Variants in TM2D2 observed in about 807,000 individuals in gnomAD.
TM2D2 encodes the protein TM2 domain-containing protein 2.
In TM2D2, 19 loss-of-function variants were observed where a neutral mutation model predicts 23.0. That is an observed-to-expected ratio of 0.82 (90% CI 0.58 to 1.21). The LOEUF (loss-of-function observed/expected upper bound fraction) is 1.21. Among genes scored for constraint, TM2D2 ranks in the 50% most tolerant of loss-of-function variants. The pLI is 0.00. For synonymous variants in TM2D2, 120 were observed against 108.8 expected, an observed-to-expected ratio of 1.10 and a Z score of -0.64; for missense variants, 246 against 265.4, an observed-to-expected ratio of 0.93 and a Z score of 0.51.
At chr8:38,995,712 C>G (rs947295551) in intron 1 of TM2D2, 7 of 1,305,766 alleles carry the variant, frequency 5.4e-6, no homozygotes, top group Non-Finnish European at 6.8e-6. Context: ...AAAATTTAAG[C>G]CAAAGTATTC....
chr8:38,993,618 G>A lies in TM2D2; in HGVS notation c.358C>T (p.Gln120Ter). ...TCAATTCCATCTAAGGCATGGCACTGGACTGAAGTGTGTTCCACGTCGCTG... is the reference window on the plus strand; with the variant it reads ...TCAATTCCATCTAAGGCATGGCACTAGACTGAAGTGTGTTCCACGTCGCTG... ...AYSDVEHTSV[Q>*]CHALDGIECA... The change falls in exon 3 of 4, where the codon CAG becomes TAG. Residue 120 changes from glutamine to a stop codon, truncating the protein, a stop_gained. Transcript: ENST00000456397. LOFTEE classifies it high-confidence loss of function. The A allele has an allele frequency of 6.2e-7, 1 of 1,613,944 alleles. No homozygotes were observed. The highest frequency in any genetic ancestry group is 8.5e-7 in the Non-Finnish European group (1 of 1,179,878).
upstream of TM2D2, chr8:38,996,781 G>A (rs1588309808): frequency 7.0e-7 from 1 of 1,422,914 alleles, no homozygotes; most frequent in Admixed American, 2.9e-5. Context: ...GGATATGACT[G>A]GCGGGCCGAC....
intron 1 of TM2D2, chr8:38,995,880 G>A (rs890698417): frequency 1.0e-6 from 1 of 998,018 alleles, no homozygotes; most frequent in Non-Finnish European, 1.3e-6. Flanking sequence ...GCCTTACTCA[G>A]TACTGGCACC....
At position 38,990,014 on chromosome 8, in the gene TM2D2, A is replaced by G. The variant is rs888534345; in HGVS notation, c.*1318T>C. The G allele has an allele frequency of 1.1e-4, 16 of 152,250 alleles. No homozygotes were observed. The highest frequency in any genetic ancestry group is 3.6e-4 in the African/African-American group (15 of 41,458). 9.4% of individuals were successfully genotyped at this position (152,250 alleles called of 1,614,324 possible). On this transcript the variant is annotated 3_prime_UTR_variant, in exon 4 of 4. Coordinates refer to ENST00000456397, the MANE Select transcript of TM2D2 (RefSeq NM_078473.3). ...AAGATTATGAATTAAAAGTTTACCA[A>G]TTGTTATGTTATAAGCAAGGTTAAG...
chr8:38,995,460 G>A (rs889881669), intron 1 of TM2D2, 55 bp from the exon 2 acceptor site: 2 of 1,598,808 alleles, frequency 1.3e-6, no homozygotes, highest in Non-Finnish European at 1.7e-6. Context: ...GCAAATCGCT[G>A]TTTGCATGCA....
In TM2D2 at chr8:38,993,561, T is replaced by G. The variant is rs780874488; in HGVS notation, c.415A>C (p.Asn139His). The G allele has an allele frequency of 6.2e-7, 1 of 1,613,046 alleles. No individual in the cohort carries two copies. Among genetic ancestry groups the G allele is most frequent in the Non-Finnish European group, 8.5e-7 (1 of 1,179,208 alleles). The change falls in exon 3 of 4, where the codon AAT becomes CAT. Residue 139 changes from asparagine to histidine, a missense_variant. Coordinates refer to ENST00000456397, the MANE Select transcript of TM2D2 (RefSeq NM_078473.3). ...AACACTTACTTTATACAAGGTTTAT[T>G]TTCTCGTAGAAAGGTCCTAGGACTG... ...CASPRTFLRENKPCIKYTGHY... is the reference protein window; with the variant it reads ...CASPRTFLREHKPCIKYTGHY...
At chr8:38,992,833 C>G (rs1453854709) in intron 3 of TM2D2, among the ~76,000 whole-genome samples, 1 of 152,122 alleles carries the variant, frequency 6.6e-6, no homozygotes, top group East Asian at 1.9e-4. Context: ...TTTTGAGCAG[C>G]GAAAAGCGAG....
In TM2D2 at chr8:38,996,359, C is replaced by A; in HGVS notation, c.81G>T (p.Leu27=). ...GCGAGTGGCTCCGAGACACACAATG[C>A]AGCAGAAGTAAATTCCCCAGCAGCA... ...AALLLGNLLL[L]HCVSRSHSQN... The change falls in exon 1 of 4, where the codon CTG becomes CTT. Residue 27 remains leucine (L), a synonymous_variant. Transcript: ENST00000456397. 6.2e-7 allele frequency: 1 copy of A among 1,614,178 alleles called. No homozygotes were observed. Among genetic ancestry groups the A allele is most frequent in the African/African-American group, 1.3e-5 (1 of 75,046 alleles).
In TM2D2 at chr8:38,991,549, G is replaced by C. The variant is rs781331307; in HGVS notation, c.432-4C>G. On this transcript the variant is annotated splice_region_variant and splice_polypyrimidine_tract_variant and intron_variant, in intron 3 of 3. Coordinates refer to ENST00000456397, the MANE Select transcript of TM2D2 (RefSeq NM_078473.3). ...TATGAAGTAGTGTCCGGTATACCTAGGTGAAAGGAATGAAAAGGAAGATGT... is the reference window on the plus strand; with the variant it reads ...TATGAAGTAGTGTCCGGTATACCTACGTGAAAGGAATGAAAAGGAAGATGT... 161 of 1,604,686 alleles carry C rather than the reference G, an allele frequency of 1.0e-4. No homozygotes were observed. Among genetic ancestry groups the C allele is most frequent in the Non-Finnish European group, 1.3e-4 (153 of 1,171,666 alleles).
At chr8:38,994,260 C>T (rs73674682) in intron 2 of TM2D2, among the ~76,000 whole-genome samples, 3,707 of 152,206 alleles carry the variant, frequency 0.024, 176 homozygotes, top group African/African-American at 0.085. Context: ...AGAACTGGGC[C>T]TCTTACCATT....
At chr8:38,995,832 T>C in intron 1 of TM2D2, 3 of 1,196,368 alleles carry the variant, frequency 2.5e-6, no homozygotes, top group Non-Finnish European at 3.1e-6. Flanking sequence ...TTTTAAAAGA[T>C]GCCTTGTAGG....
At chr8:38,996,519 G>C (rs553906078), upstream of TM2D2, 76 of 1,568,446 alleles carry the variant, frequency 4.8e-5, no homozygotes, top group African/African-American at 1.0e-3. Context: ...TGCGTGGTCA[G>C]GCCTTTCCGC....
upstream of TM2D2, chr8:38,996,513 TG>T: frequency 6.3e-7 from 1 of 1,579,448 alleles, no homozygotes; most frequent in Non-Finnish European, 8.6e-7. Context: ...AAGAACTGCG[TG>T]GTCAGGCCTT....
intron 3 of TM2D2, among the ~76,000 whole-genome samples, chr8:38,992,303 CAAAAAAAAAAAAAAAAAAA>C (rs11332696): frequency 2.1e-5 from 1 of 47,394 alleles, no homozygotes; most frequent in African/African-American, 9.1e-5. Flanking sequence ...CTGTTTCTAC[CAAAAAAAAAAAAAAAAAAA>C]AAAAAAAAGG....
chr8:38,994,005 TATAC>T (rs1342642958), intron 2 of TM2D2: 1 of 160,396 alleles, frequency 6.2e-6, no homozygotes, highest in Non-Finnish European at 1.4e-5. Flanking sequence ...TGTATATGCT[TATAC>T]ATATTTATAT....
upstream of TM2D2, chr8:38,996,609 G>T: frequency 6.9e-7 from 1 of 1,446,326 alleles, no homozygotes; most frequent in East Asian, 2.5e-5. Context: ...CAACCAACTA[G>T]AAAAGGTCGA....
At position 38,991,683 on chromosome 8, in the gene TM2D2, ATGATATGGTCAG is replaced by A. The variant is rs1374548559; in HGVS notation, c.432-150_432-139del. The A allele has an allele frequency of 4.8e-5, 34 of 704,730 alleles. No individual in the cohort carries two copies. The East Asian group carries it at 7.8e-4, about 16-fold the overall frequency. The allele number at this position is 704,730 out of a possible 1,614,324, so 43.7% of individuals were successfully genotyped here. On this transcript the variant is annotated intron_variant, in intron 3 of 3. Transcript: ENST00000456397. ...TTTACCCTCCATTTTGTTTTCTTTT[ATGATATGGTCAG>A]TGAGGTGAGAGGATCAGGAAAAACC...
In TM2D2 at chr8:38,991,293, G is replaced by A. The variant is rs1283225660; in HGVS notation, c.*39C>T. 8.4e-6 allele frequency: 13 copies of A among 1,546,490 alleles called. No individual in the cohort carries two copies. Among genetic ancestry groups the A allele is most frequent in the Non-Finnish European group, 1.2e-5 (13 of 1,125,060 alleles). ...TGTAGAGATGAATTCAGAAGACGGAGCTTTCACCCGCCTCCCTGGGCCATG... is the reference window on the plus strand; with the variant it reads ...TGTAGAGATGAATTCAGAAGACGGAACTTTCACCCGCCTCCCTGGGCCATG... On this transcript the variant is annotated 3_prime_UTR_variant, in exon 4 of 4. Coordinates refer to ENST00000456397, the MANE Select transcript of TM2D2 (RefSeq NM_078473.3).
At chr8:38,995,430 A>G (rs1339246627) in intron 1 of TM2D2, 25 bp from the exon 2 acceptor site, 1 of 1,612,112 alleles carries the variant, frequency 6.2e-7, no homozygotes, top group Admixed American at 1.7e-5. Flanking sequence ...TAAGATCATG[A>G]TCATCATCAT....
Sources: gnomAD v4.1 joint callset for allele counts (sites outside exome capture counted in the v4.1 genomes callset) on GRCh38, gnomAD v4.1.1 for gene constraint, MANE v1.5 for transcripts, NCBI Gene and HGNC (gene_info 2026-07-23, HGNC 2026-07-21) for gene names.